Variants in CCSER1 observed in about 807,000 individuals in gnomAD.
The protein encoded by CCSER1 is coiled-coil serine rich protein 1.
CCSER1 carries 41 observed loss-of-function variants against 82.0 expected under a neutral mutation model. The observed-to-expected ratio is 0.50, with a 90% CI of 0.39 to 0.65. CCSER1 has a LOEUF of 0.65. Among genes scored for constraint, CCSER1 ranks in the 30% least tolerant of loss-of-function variants. CCSER1 has a pLI of 0.00. For missense variants in CCSER1, 1,119 were observed against 1,064.2 expected (o/e 1.05, Z -0.72); for synonymous variants, 414 against 383.9 (o/e 1.08, Z -0.92).
intron 10 of CCSER1, among the ~76,000 whole-genome samples, chr4:91,440,836 A>T (rs1167814387): frequency 4.6e-5 from 7 of 152,352 alleles, no homozygotes; most frequent in African/African-American, 1.7e-4. Context: ...ACAATACTAC[A>T]AACACCTCTA....
chr4:91,127,080 A>G (rs1727586887), intron 10 of CCSER1, among the ~76,000 whole-genome samples: 1 of 152,070 alleles, frequency 6.6e-6, no homozygotes, highest in Non-Finnish European at 1.5e-5. Context: ...ATCCCTGGAC[A>G]GCAACAAACA....
chr4:91,203,570 G>T (rs188533595), intron 10 of CCSER1, among the ~76,000 whole-genome samples: 233 of 151,678 alleles, frequency 1.5e-3, no homozygotes, highest in African/African-American at 5.5e-3. Context: ...TAGTAAAATA[G>T]ATCTGTATAT....
rs1240355207 is a variant in CCSER1 at position 91,174,081 on chromosome 4, G to A, written c.2217+88087G>A. On this transcript the variant is annotated intron_variant, in intron 10 of 10. Transcript: ENST00000509176. ...AAATATATTTCCCATTAACTGAAGG[G>A]ATCTTGAAGCTTAAGAATTTGAAAA... is the stretch of plus-strand genomic sequence containing the variant. 2.6e-5 allele frequency among the ~76,000 whole-genome samples: 4 copies of A among 152,018 alleles called. No homozygotes were observed. In the East Asian group the frequency reaches 5.8e-4, roughly 22 times the overall value.
At chr4:91,156,904 C>T (rs940933374) in intron 10 of CCSER1, among the ~76,000 whole-genome samples, 7 of 151,912 alleles carry the variant, frequency 4.6e-5, no homozygotes, top group African/African-American at 1.7e-4. Flanking sequence ...CTCATTGGGA[C>T]ATACTCTTAT....
chr4:91,376,624 A>T (rs1750432048), intron 10 of CCSER1, among the ~76,000 whole-genome samples: 1 of 152,198 alleles, frequency 6.6e-6, no homozygotes, highest in Non-Finnish European at 1.5e-5. Flanking sequence ...TATGCAAATT[A>T]AAGAAAAAAA....
intron 6 of CCSER1, among the ~76,000 whole-genome samples, chr4:90,701,234 A>C (rs1037872180): frequency 6.6e-6 from 1 of 152,178 alleles, no homozygotes; most frequent in Non-Finnish European, 1.5e-5. Flanking sequence ...CATTTATTAA[A>C]CAGGGAATCC....
intron 7 of CCSER1, among the ~76,000 whole-genome samples, chr4:90,785,513 T>C (rs181396521): frequency 6.6e-6 from 1 of 152,320 alleles, no homozygotes; most frequent in Non-Finnish European, 1.5e-5. Flanking sequence ...AAAAGTCTAT[T>C]ACTTTCAAGA....
intron 10 of CCSER1, among the ~76,000 whole-genome samples, chr4:91,426,677 A>G (rs1161961354): frequency 6.6e-6 from 1 of 152,216 alleles, no homozygotes; most frequent in Non-Finnish European, 1.5e-5. Flanking sequence ...AGTATTTTTA[A>G]TTGAATCCTA....
At chr4:90,817,754 G>T (rs545966387) in intron 8 of CCSER1, among the ~76,000 whole-genome samples, 1 of 152,252 alleles carries the variant, frequency 6.6e-6, no homozygotes, top group East Asian at 1.9e-4. Flanking sequence ...AAAAAAAATT[G>T]TCATTCAAAC....
intron 9 of CCSER1, among the ~76,000 whole-genome samples, chr4:90,926,063 C>T (rs573751655): frequency 6.6e-6 from 1 of 152,014 alleles, no homozygotes; most frequent in South Asian, 2.1e-4. Flanking sequence ...TACAATTTCT[C>T]CCATGACCAG....
At chr4:91,035,995 C>A (rs1050276998) in intron 9 of CCSER1, among the ~76,000 whole-genome samples, 1 of 152,190 alleles carries the variant, frequency 6.6e-6, no homozygotes, top group Non-Finnish European at 1.5e-5. Flanking sequence ...GGTAAAAAGT[C>A]ATTTGGGAGT....
intron 10 of CCSER1, among the ~76,000 whole-genome samples, chr4:91,159,190 G>C (rs1171334685): frequency 6.6e-6 from 1 of 151,790 alleles, no homozygotes; most frequent in Non-Finnish European, 1.5e-5. Flanking sequence ...GCAACTTATA[G>C]TTTTCATACT....
At chr4:90,914,352 G>C (rs527810417) in intron 8 of CCSER1, among the ~76,000 whole-genome samples, 1 of 152,196 alleles carries the variant, frequency 6.6e-6, no homozygotes, top group African/African-American at 2.4e-5. Flanking sequence ...ACTCAAAACC[G>C]CTCAACTACA....
chr4:91,275,590 A>G (rs566627169), intron 10 of CCSER1, among the ~76,000 whole-genome samples: 1 of 152,226 alleles, frequency 6.6e-6, no homozygotes, highest in Non-Finnish European at 1.5e-5. Context: ...TGTTTGATGA[A>G]TAGTTTGCAA....
At chr4:90,414,307 A>AT (rs1297160256) in intron 4 of CCSER1, among the ~76,000 whole-genome samples, 4 of 151,716 alleles carry the variant, frequency 2.6e-5, no homozygotes, top group Non-Finnish European at 4.4e-5. Context: ...GATTTAAAGG[A>AT]TTTTTTTATT....
intron 10 of CCSER1, among the ~76,000 whole-genome samples, chr4:91,348,988 A>G (rs1748266552): frequency 6.6e-6 from 1 of 151,982 alleles, no homozygotes; most frequent in African/African-American, 2.4e-5. Flanking sequence ...GACTCACTGC[A>G]AGCTCCGCCT....
At chr4:91,229,753 A>G (rs1738476465) in intron 10 of CCSER1, among the ~76,000 whole-genome samples, 2 of 152,146 alleles carry the variant, frequency 1.3e-5, no homozygotes, top group South Asian at 4.1e-4. Context: ...CAAACACCGC[A>G]TGTTCTCACT....
chr4:91,253,036 C>G (rs919019104), intron 10 of CCSER1, among the ~76,000 whole-genome samples: 1 of 151,868 alleles, frequency 6.6e-6, no homozygotes, highest in Non-Finnish European at 1.5e-5. Flanking sequence ...AGAGGGTGAT[C>G]GAGCTACAGT....
At chr4:91,192,578 A>T (rs2149050830) in intron 10 of CCSER1, among the ~76,000 whole-genome samples, 1 of 152,198 alleles carries the variant, frequency 6.6e-6, no homozygotes, top group South Asian at 2.1e-4. Flanking sequence ...TATTAGTAAC[A>T]AAACTTGTTT....
Sources: allele counts gnomAD v4.1 joint callset (sites outside exome capture counted in the v4.1 genomes callset), GRCh38; gene constraint gnomAD v4.1.1; transcripts MANE v1.5; gene names NCBI Gene and HGNC (gene_info 2026-07-23, HGNC 2026-07-21).